Variants in BCAR1 observed in about 807,000 individuals in gnomAD.
BCAR1 encodes breast cancer anti-estrogen resistance protein 1.
A neutral mutation model predicts 67.6 loss-of-function variants in BCAR1; 30 were observed. The observed-to-expected ratio is 0.44, with a 90% confidence interval of 0.33 to 0.60. The LOEUF is 0.60. Ranked by LOEUF, BCAR1 falls within the 20% of genes least tolerant of loss-of-function variation. The pLI is 0.02. For missense variants in BCAR1, 1,313 were observed against 1,222.3 expected (o/e 1.07, Z -1.11); for synonymous variants, 626 against 556.7 (o/e 1.12, Z -1.75).
At position 75,251,475 on chromosome 16, in the gene BCAR1, T is replaced by C; in HGVS notation, c.8A>G (p.His3Arg). 2 of 1,422,612 alleles carry C rather than the reference T, an allele frequency of 1.4e-6. No individual in the cohort carries two copies. Among genetic ancestry groups the C allele is most frequent in the African/African-American group, 3.0e-5 (2 of 67,132 alleles). The allele number at this position is 1,422,612 out of a possible 1,614,324, so 88.1% of individuals were successfully genotyped here. A position where few individuals can be genotyped will look rare whatever the true frequency, so the allele number is the denominator to read the frequency against. ...GGCCCCACCTGGCGCCCTCACCAGGTGGTTCATGGTGTCCGGCGGGCCTGG... is the reference window on the plus strand; with the variant it reads ...GGCCCCACCTGGCGCCCTCACCAGGCGGTTCATGGTGTCCGGCGGGCCTGG... MN[H>R]LNVLAKALYD... The change falls in exon 1 of 7, where the codon CAC becomes CGC. Residue 3 changes from histidine (H) to arginine (R), a missense_variant. His to Arg is a conservative substitution (Grantham distance 29, BLOSUM62 0). This residue lies in a region of BCAR1 where 41 missense variants were observed against 84.8 expected (regional missense o/e 0.48). Coordinates refer to ENST00000162330, the MANE Select transcript of BCAR1 (RefSeq NM_014567.5).
Position 75,235,590 on chromosome 16 carries a change from T to C in BCAR1, c.1309A>G (p.Ser437Gly). Residue 437 changes from serine to glycine, a missense_variant, in exon 5 of 7, where the codon AGC becomes GGC. By Grantham distance (56) the Ser-to-Gly change is moderately conservative. Transcript: ENST00000162330. ...LSASSTGSTRSSQSASSLEVA... is the reference protein window; with the variant it reads ...LSASSTGSTRGSQSASSLEVA... ...TCCAAGGAGGACGCAGACTGGCTGC[T>C]GCGTGTGCTGCCGGTGCTGGAGGCC... The C allele has an allele frequency of 6.3e-7, 1 of 1,590,808 alleles. No individual in the cohort carries two copies. The highest frequency in any genetic ancestry group is 8.6e-7 in the Non-Finnish European group (1 of 1,168,414).
chr16:75,237,560 T>C (rs2077185151), intron 2 of BCAR1: 1 of 549,776 alleles, frequency 1.8e-6, no homozygotes, highest in Non-Finnish European at 3.0e-6. Context: ...CTGGGTTTTA[T>C]TCAGAGCTGC....
At chr16:75,230,088 C>G in intron 6 of BCAR1, 65 bp from the exon 7 acceptor site, 1 of 1,501,894 alleles carries the variant, frequency 6.7e-7, no homozygotes, top group Non-Finnish European at 8.9e-7. Flanking sequence ...CAGGCCGAGA[C>G]CTGGGCACCC....
In BCAR1 at chr16:75,264,039, G is replaced by A. The variant is rs2077956883; in HGVS notation, c.66+3876C>T. Reference sequence around the variant, plus strand: ...AATTCTCCTGGGCTGTGACTACAAGGGAGAGGGTAGGAGATGACTCAGAGC... The same window carrying A: ...AATTCTCCTGGGCTGTGACTACAAGAGAGAGGGTAGGAGATGACTCAGAGC... On this transcript the variant is annotated intron_variant, in intron 1 of 6. Transcript: ENST00000393422. 9 of 1,227,274 alleles carry A rather than the reference G, an allele frequency of 7.3e-6. No individual in the cohort carries two copies. The East Asian group carries it at 9.7e-5, about 13-fold the overall frequency. The allele number at this position is 1,227,274 out of a possible 1,614,324, so 76.0% of individuals were successfully genotyped here. A position where few individuals can be genotyped will look rare whatever the true frequency, so the allele number is the denominator to read the frequency against.
chr16:75,238,872 C>T (rs1034101462), intron 2 of BCAR1: 1 of 985,382 alleles, frequency 1.0e-6, no homozygotes, highest in Non-Finnish European at 1.2e-6. Context: ...GAGGCTTCTC[C>T]AGGCCTCCCA....
At chr16:75,243,594 G>C (rs1267682667) in intron 1 of BCAR1, 2 of 438,964 alleles carry the variant, frequency 4.6e-6, no homozygotes, top group Admixed American at 2.6e-5. Flanking sequence ...AATCCAAAAA[G>C]TCAGTAATTA....
In BCAR1 at chr16:75,235,822, C is replaced by T. The variant is rs1457910238; in HGVS notation, c.1077G>A (p.Glu359=). Residue 359 remains glutamate (E), a synonymous_variant, in exon 5 of 7, where the codon GAG becomes GAA. Coordinates refer to ENST00000162330, the MANE Select transcript of BCAR1 (RefSeq NM_014567.5). ...CCGGGGGCGGCACGTCATACACGTC[C>T]TCGGCCGGCGGGGAGTCTGGAGGGG... ...AAPPPDSPPA[E]DVYDVPPPAP... The T allele has an allele frequency of 1.3e-6, 2 of 1,580,956 alleles. No individual in the cohort carries two copies. The highest frequency in any genetic ancestry group is 2.3e-5 in the South Asian group (2 of 87,012).
At chr16:75,237,400 C>T in intron 2 of BCAR1, 56 bp from the exon 3 acceptor site, 1 of 1,406,960 alleles carries the variant, frequency 7.1e-7, no homozygotes, top group Non-Finnish European at 9.3e-7. Context: ...TAGGGAGGCT[C>T]CACTCACACC....
chr16:75,264,741 A>G, intron 1 of BCAR1: 1 of 1,009,864 alleles, frequency 9.9e-7, no homozygotes, highest in Non-Finnish European at 1.3e-6. Flanking sequence ...CACTTGCCAG[A>G]AAGCCCCCAC....
chr16:75,232,702 C>T (rs2076943141), intron 6 of BCAR1, among the ~76,000 whole-genome samples: 2 of 152,194 alleles, frequency 1.3e-5, no homozygotes. Context: ...GCCACCCTGC[C>T]ACCGTTCTGA....
intron 2 of BCAR1, chr16:75,238,941 A>G (rs1199958547): frequency 1.0e-6 from 1 of 985,288 alleles, no homozygotes; most frequent in Non-Finnish European, 1.2e-6. Flanking sequence ...CAGCACCAGC[A>G]GGAGGGATGA....
upstream of BCAR1, among the ~76,000 whole-genome samples, chr16:75,253,739 G>C (rs1286711424): frequency 6.6e-6 from 1 of 152,050 alleles, no homozygotes; most frequent in Non-Finnish European, 1.5e-5. Context: ...TGGGGATGTA[G>C]CTGGGGGGTG....
At position 75,266,022 on chromosome 16, in the gene BCAR1, G is replaced by GCC. The variant is rs534922064; in HGVS notation, c.66+1891_66+1892dup. ...GCGCCGCGCATGCGCCGCCCGCGCC[G>GCC]CCCCCCCCACCGTCTCCGCGGCCAG... On this transcript the variant is annotated intron_variant, in intron 1 of 6. Transcript: ENST00000393422. 1.1e-4 allele frequency: 113 copies of GCC among 1,021,400 alleles called. No homozygotes were observed. The East Asian group carries it at 1.8e-3, about 16-fold the overall frequency. 63.3% of individuals were successfully genotyped at this position (1,021,400 alleles called of 1,614,324 possible). A position where few individuals can be genotyped will look rare whatever the true frequency, so the allele number is the denominator to read the frequency against.
At chr16:75,232,301 C>T (rs1476205520) in intron 6 of BCAR1, among the ~76,000 whole-genome samples, 2 of 152,124 alleles carry the variant, frequency 1.3e-5, no homozygotes, top group Admixed American at 6.5e-5. Flanking sequence ...GCTGGGACTA[C>T]AGGCGTGTGC....
chr16:75,239,772 C>T (rs1302394012), intron 2 of BCAR1, among the ~76,000 whole-genome samples: 1 of 152,196 alleles, frequency 6.6e-6, no homozygotes, highest in African/African-American at 2.4e-5. Context: ...CCATAGCCCG[C>T]TCCCCTCCCT....
At chr16:75,248,055 T>C in intron 1 of BCAR1, 2 of 1,525,752 alleles carry the variant, frequency 1.3e-6, no homozygotes. Flanking sequence ...CACGATTACC[T>C]CCATCTTACT....
In BCAR1 at chr16:75,229,480, CT is replaced by C; in HGVS notation, c.*30del. The stretch of plus-strand genomic sequence containing the variant: ...CCAGGGAGCTGGGACCGCCGCACCC[CT>C]CCCCTGCCTCCCTCCTGGGGTCACC... On this transcript the variant is annotated 3_prime_UTR_variant, in exon 7 of 7. Transcript: ENST00000162330. 1 of 1,500,566 alleles carries C rather than the reference CT, an allele frequency of 6.7e-7. No individual in the cohort carries two copies. The highest frequency in any genetic ancestry group is 8.9e-7 in the Non-Finnish European group (1 of 1,124,588). The allele number at this position is 1,500,566 out of a possible 1,614,324, so 93.0% of individuals were successfully genotyped here.
chr16:75,250,991 G>A (rs1337478164), intron 1 of BCAR1: 3 of 985,870 alleles, frequency 3.0e-6, no homozygotes, highest in African/African-American at 1.7e-5. Context: ...CCCCGCTGGC[G>A]CCACGCACTT....
intron 2 of BCAR1, chr16:75,239,218 C>G (rs538282409): frequency 1.4e-6 from 1 of 719,512 alleles, no homozygotes; most frequent in Non-Finnish European, 1.7e-6. Context: ...TGAGACCCCA[C>G]TAGCAGGCCG....
Sources: allele counts gnomAD v4.1 joint callset (sites outside exome capture counted in the v4.1 genomes callset), GRCh38; gene constraint gnomAD v4.1.1; regional missense constraint gnomAD v4.1.1; transcripts MANE v1.5; gene names NCBI Gene and HGNC (gene_info 2026-07-23, HGNC 2026-07-21).